ARPP19: variants seen among roughly 807,000 people sequenced by gnomAD.
ARPP19 encodes cAMP-regulated phosphoprotein 19.
Under a neutral mutation model 12.0 loss-of-function variants are expected in ARPP19, and 8 were observed. That is an observed-to-expected ratio of 0.67 (90% CI 0.39 to 1.21). The LOEUF (loss-of-function observed/expected upper bound fraction) is 1.21. Among genes scored for constraint, ARPP19 ranks in the 50% most tolerant of loss-of-function variants. ARPP19 has a pLI of 0.01. For synonymous variants in ARPP19, 47 were observed against 50.4 expected (o/e 0.93, Z 0.29); for missense variants, 102 against 136.3 (o/e 0.75, Z 1.25).
intron 1 of ARPP19, among the ~76,000 whole-genome samples, chr15:52,561,636 A>G (rs1239614592): frequency 2.0e-5 from 3 of 152,058 alleles, no homozygotes; most frequent in South Asian, 2.1e-4. Flanking sequence ...TGTTGGGGAG[A>G]GCAAGAAAGG....
rs12594138 is a variant in ARPP19 at position 52,553,340 on chromosome 15, C to T, written c.169-1236G>A. 2.4e-3 allele frequency among the ~76,000 whole-genome samples: 365 copies of T among 152,234 alleles called. 9 individuals are homozygous for T. The East Asian group carries it at 0.044, about 18-fold the overall frequency. On this transcript the variant is annotated intron_variant, in intron 2 of 2. Transcript: ENST00000249822. The stretch of plus-strand genomic sequence containing the variant: ...CACAGAGAGACATGAAGTATGACTA[C>T]TGCTTTTTTTTTAGCTGCCCTTTAC...
At chr15:52,552,580 T>G (rs1308620708) in intron 2 of ARPP19, among the ~76,000 whole-genome samples, 1 of 61,750 alleles carries the variant, frequency 1.6e-5, no homozygotes, top group African/African-American at 9.4e-5. Flanking sequence ...AGAGACTGTC[T>G]CACAAAAAAA....
At chr15:52,569,263 C>G (rs903209373), upstream of ARPP19, 1 of 302,476 alleles carries the variant, frequency 3.3e-6, no homozygotes, top group Non-Finnish European at 6.1e-6. Context: ...CCTCCCCGCC[C>G]TTTCCTGTCC....
In ARPP19 at chr15:52,552,124, A is replaced by G. The variant is rs752200440; in HGVS notation, c.169-20T>C. On this transcript the variant is annotated intron_variant, in intron 2 of 2. Coordinates refer to ENST00000249822, the MANE Select transcript of ARPP19 (RefSeq NM_006628.6). Reference sequence around the variant, plus strand: ...TTTTTGCTATAAGTAAAAACAAAAAAAATTCAGATTAGAGCTTAGCAATTA... The same window carrying G: ...TTTTTGCTATAAGTAAAAACAAAAAGAATTCAGATTAGAGCTTAGCAATTA... The G allele has an allele frequency of 7.3e-6, 11 of 1,507,550 alleles. No homozygotes were observed. Among genetic ancestry groups the G allele is most frequent in the Non-Finnish European group, 1.0e-5 (11 of 1,083,770 alleles). The allele number at this position is 1,507,550 out of a possible 1,614,324, so 93.4% of individuals were successfully genotyped here. A position where few individuals can be genotyped will look rare whatever the true frequency, so the allele number is the denominator to read the frequency against.
chr15:52,561,232 G>T (rs914850599), intron 1 of ARPP19, among the ~76,000 whole-genome samples: 1 of 152,182 alleles, frequency 6.6e-6, no homozygotes, highest in South Asian at 2.1e-4. Context: ...AAGCTAGAAT[G>T]AAAACAAAGG....
rs564179437 is a variant in ARPP19 at position 52,550,320 on chromosome 15, C to G, written c.*1614G>C. 5.3e-5 allele frequency: 8 copies of G among 152,204 alleles called. No homozygotes were observed. The highest frequency in any genetic ancestry group is 8.8e-5 in the Non-Finnish European group (6 of 68,034). 9.4% of individuals were successfully genotyped at this position (152,204 alleles called of 1,614,324 possible). A position where few individuals can be genotyped will look rare whatever the true frequency, so the allele number is the denominator to read the frequency against. On this transcript the variant is annotated 3_prime_UTR_variant, in exon 3 of 3. Transcript: ENST00000249822. ...ACATCTACAGAAGCAAACATCTAAA[C>G]ATTTTTAATAGGAGTTTTACCTGTC...
At chr15:52,561,482 C>T (rs899877852) in intron 1 of ARPP19, among the ~76,000 whole-genome samples, 1 of 152,028 alleles carries the variant, frequency 6.6e-6, no homozygotes, top group East Asian at 1.9e-4. Flanking sequence ...AATACTATAA[C>T]AGTACCATAT....
Position 52,560,167 on chromosome 15 carries a change from C to A in ARPP19, c.46-2945G>T, listed in dbSNP as rs766914947. On this transcript the variant is annotated intron_variant, in intron 1 of 2. Transcript: ENST00000249822. ...ATACCTTGTACACAATCCGGGCATT[C>A]CCTTATTTTCTTTTTCTTTTTTTTT... is the stretch of plus-strand genomic sequence containing the variant. Among the ~76,000 whole-genome samples the A allele has an allele frequency of 1.2e-3, 176 of 152,058 alleles. 2 individuals carry two copies. Among genetic ancestry groups the A allele is most frequent in the Non-Finnish European group, 2.5e-4 (17 of 67,976 alleles).
chr15:52,556,890 TTTA>T (rs2140236807), intron 2 of ARPP19: 1 of 455,246 alleles, frequency 2.2e-6, no homozygotes, highest in Non-Finnish European at 3.8e-6. Flanking sequence ...CTTTAAATAG[TTTA>T]TTATTAAAAA....
chr15:52,567,815 C>T (rs2078098442), intron 1 of ARPP19, among the ~76,000 whole-genome samples: 1 of 152,054 alleles, frequency 6.6e-6, no homozygotes, highest in Admixed American at 6.6e-5. Context: ...AATCCAATTC[C>T]CAACTTAATT....
intron 2 of ARPP19, among the ~76,000 whole-genome samples, chr15:52,556,561 G>A (rs1479925440): frequency 6.6e-6 from 1 of 152,132 alleles, no homozygotes. Context: ...ATTACATAAA[G>A]GAGATAGCTG....
chr15:52,561,638 CAAGA>C (rs1482788667), intron 1 of ARPP19, among the ~76,000 whole-genome samples: 3 of 151,434 alleles, frequency 2.0e-5, no homozygotes, highest in African/African-American at 4.8e-5. Flanking sequence ...TTGGGGAGAG[CAAGA>C]AAGGAAGAAA....
Position 52,550,432 on chromosome 15 carries a change from A to G in ARPP19, c.*1502T>C, listed in dbSNP as rs964733917. 3.9e-5 allele frequency: 6 copies of G among 152,234 alleles called. No individual in the cohort carries two copies. Among genetic ancestry groups the G allele is most frequent in the African/African-American group, 1.4e-4 (6 of 41,458 alleles). 9.4% of individuals were successfully genotyped at this position (152,234 alleles called of 1,614,324 possible). ...ATTTACCAAAATTCAGCTCATCTTGACATAGGTTCTTGAGCCAGTATTCCG... is the reference window on the plus strand; with the variant it reads ...ATTTACCAAAATTCAGCTCATCTTGGCATAGGTTCTTGAGCCAGTATTCCG... On this transcript the variant is annotated 3_prime_UTR_variant, in exon 3 of 3. Transcript: ENST00000249822.
At chr15:52,566,029 AT>A (rs1225542808) in intron 1 of ARPP19, among the ~76,000 whole-genome samples, 1 of 151,748 alleles carries the variant, frequency 6.6e-6, no homozygotes, top group African/African-American at 2.4e-5. Flanking sequence ...TAATTTTTGT[AT>A]TTTTTAGTAG....
intron 2 of ARPP19, among the ~76,000 whole-genome samples, chr15:52,552,971 G>T (rs573530137): frequency 2.0e-5 from 3 of 152,028 alleles, no homozygotes; most frequent in South Asian, 4.2e-4. Flanking sequence ...CAGCTACCCT[G>T]GAGGCTGAGA....
intron 1 of ARPP19, among the ~76,000 whole-genome samples, chr15:52,563,355 C>A (rs2078052648): frequency 6.6e-6 from 1 of 152,066 alleles, no homozygotes; most frequent in Non-Finnish European, 1.5e-5. Flanking sequence ...TGGCTATTGG[C>A]TACAAGCTGG....
Position 52,564,289 on chromosome 15 carries a change from C to T in ARPP19, c.45+4559G>A, listed in dbSNP as rs752918120. ...ACATGGATGAGGCGGTTGCTCACAC[C>T]TGCAGTCCCAGCTACTTGGAGGCTG... On this transcript the variant is annotated intron_variant, in intron 1 of 2. Coordinates refer to ENST00000249822, the MANE Select transcript of ARPP19 (RefSeq NM_006628.6). 1.3e-5 allele frequency: 19 copies of T among 1,420,580 alleles called. 1 individual carries two copies. The South Asian group carries it at 2.1e-4, about 16-fold the overall frequency. The allele number at this position is 1,420,580 out of a possible 1,614,324, so 88.0% of individuals were successfully genotyped here. A position where few individuals can be genotyped will look rare whatever the true frequency, so the allele number is the denominator to read the frequency against.
chr15:52,566,592 T>TTTTTA lies in ARPP19; in HGVS notation c.45+2251_45+2255dup, dbSNP rs545002234. ...CAGACATGCCACCACACCTGGCTAA[T>TTTTTA]TTTTATTTTATTTTATTTTATTTTG... On this transcript the variant is annotated intron_variant, in intron 1 of 2. Transcript: ENST00000249822. Among the ~76,000 whole-genome samples, 70 of 152,082 alleles carry TTTTTA rather than the reference T, an allele frequency of 4.6e-4. No individual in the cohort carries two copies. The East Asian group carries it at 4.6e-3, about 10-fold the overall frequency.
At chr15:52,565,956 G>T (rs1345565617) in intron 1 of ARPP19, among the ~76,000 whole-genome samples, 1 of 152,146 alleles carries the variant, frequency 6.6e-6, no homozygotes, top group South Asian at 2.1e-4. Context: ...CCAGGTTCAA[G>T]CAATTCTCCT....
Sources: allele counts gnomAD v4.1 joint callset (sites outside exome capture counted in the v4.1 genomes callset), GRCh38; gene constraint gnomAD v4.1.1; transcripts MANE v1.5; gene names NCBI Gene and HGNC (gene_info 2026-07-23, HGNC 2026-07-21).